LAMTOR1: variants seen among roughly 807,000 people sequenced by gnomAD.
The protein encoded by LAMTOR1 is ragulator complex protein LAMTOR1.
A neutral mutation model predicts 20.5 loss-of-function variants in LAMTOR1; 8 were observed. That is an observed-to-expected ratio of 0.39 (90% CI 0.23 to 0.70). LAMTOR1 has a LOEUF of 0.70. Ranked by LOEUF, LAMTOR1 falls within the 30% of genes least tolerant of loss-of-function variation. LAMTOR1 has a pLI of 0.43. For synonymous variants in LAMTOR1, 77 were observed against 80.9 expected, an observed-to-expected ratio of 0.95 and a Z score of 0.26; for missense variants, 135 against 206.2, an observed-to-expected ratio of 0.65 and a Z score of 2.11.
chr11:72,101,008 T>C lies in LAMTOR1; in HGVS notation c.43-1752A>G, dbSNP rs189044845. 2.6e-5 allele frequency among the ~76,000 whole-genome samples: 4 copies of C among 152,360 alleles called. No individual in the cohort carries two copies. The East Asian group carries it at 7.7e-4, about 29-fold the overall frequency. ...CTATGTATTTCTAAGGAAAGCTGGC[T>C]CCATAATGAGGCCCAAGTTAGCTTC... On this transcript the variant is annotated intron_variant, in intron 1 of 4. Transcript: ENST00000278671.
At chr11:72,102,940 A>G (rs1344052952) in intron 1 of LAMTOR1, among the ~76,000 whole-genome samples, 1 of 152,240 alleles carries the variant, frequency 6.6e-6, no homozygotes, top group Non-Finnish European at 1.5e-5. Context: ...AGCAAACGGA[A>G]GTGGTGGGAG....
chr11:72,102,032 A>G (rs1339640818), intron 1 of LAMTOR1, among the ~76,000 whole-genome samples: 1 of 152,204 alleles, frequency 6.6e-6, no homozygotes, highest in Non-Finnish European at 1.5e-5. Context: ...GGCAAAGGAA[A>G]TATGTGTTCA....
Position 72,098,421 on chromosome 11 carries a change from CAA to C in LAMTOR1, c.267-8_267-7del, listed in dbSNP as rs770019137. 210 of 1,609,546 alleles carry C rather than the reference CAA, an allele frequency of 1.3e-4. No homozygotes were observed. The highest frequency in any genetic ancestry group is 5.0e-4 in the Middle Eastern group (3 of 6,008). ...TCAGCACAGCCAAGCGGGTGCTGAC[CAA>C]GAGAGAGGGGGTGGGGGTAGGCAGT... On this transcript the variant is annotated splice_polypyrimidine_tract_variant and splice_region_variant and intron_variant, in intron 3 of 4. Transcript: ENST00000278671.
intron 1 of LAMTOR1, among the ~76,000 whole-genome samples, chr11:72,099,516 A>C (rs1458834752): frequency 6.6e-6 from 1 of 152,200 alleles, no homozygotes; most frequent in Non-Finnish European, 1.5e-5. Context: ...AGAGGCACAA[A>C]GCAGGTAGTC....
intron 4 of LAMTOR1, 174 bp downstream of exon 4, chr11:72,098,115 T>C (rs1452194671): frequency 3.1e-6 from 3 of 956,446 alleles, no homozygotes; most frequent in Non-Finnish European, 4.7e-6. Context: ...AGGAAGGAGA[T>C]AGGAAAGACA....
At chr11:72,098,627 G>C in intron 3 of LAMTOR1, 154 bp downstream of exon 3, 1 of 785,756 alleles carries the variant, frequency 1.3e-6, no homozygotes, top group Non-Finnish European at 2.0e-6. Flanking sequence ...GGGCTGACAT[G>C]AATAACTACT....
At chr11:72,103,075 T>C (rs1945507413) in intron 1 of LAMTOR1, 108 bp downstream of exon 1, 2 of 1,380,004 alleles carry the variant, frequency 1.4e-6, no homozygotes, top group African/African-American at 2.9e-5. Context: ...GGCCTCCGTA[T>C]TCAGTGAGCC....
intron 4 of LAMTOR1, 108 bp downstream of exon 4, chr11:72,098,181 T>A: frequency 7.0e-7 from 1 of 1,432,188 alleles, no homozygotes; most frequent in Non-Finnish European, 9.6e-7. Flanking sequence ...GCTACCAGGC[T>A]CCCTAACTCC....
rs1028040769 is a variant in LAMTOR1, at chr11:72,097,622, A to G, written c.*200T>C. 21 of 1,392,898 alleles carry G rather than the reference A, an allele frequency of 1.5e-5. No homozygotes were observed. Among genetic ancestry groups the G allele is most frequent in the Admixed American group, 1.2e-4 (4 of 33,808 alleles). The allele number at this position is 1,392,898 out of a possible 1,614,324, so 86.3% of individuals were successfully genotyped here. On this transcript the variant is annotated 3_prime_UTR_variant, in exon 5 of 5. Coordinates refer to ENST00000278671, the MANE Select transcript of LAMTOR1 (RefSeq NM_017907.3). The stretch of plus-strand genomic sequence containing the variant: ...TGGCCCCCACCCCATCCCTGGCCAG[A>G]GCTTCAAAGGCCAGTCCCAAAAGGT...
chr11:72,103,234 CG>C lies in LAMTOR1; in HGVS notation c.-11del. The C allele has an allele frequency of 1.3e-6, 2 of 1,557,120 alleles. No individual in the cohort carries two copies. Among genetic ancestry groups the C allele is most frequent in the Non-Finnish European group, 1.7e-6 (2 of 1,150,252 alleles). ...TGTAGCAGCACCCCATGGCCGGGGT[CG>C]GGCCGGGCGCTCAGGCCGCGCCGAG... On this transcript the variant is annotated 5_prime_UTR_variant, in exon 1 of 5. Coordinates refer to ENST00000278671, the MANE Select transcript of LAMTOR1 (RefSeq NM_017907.3).
Position 72,097,712 on chromosome 11 carries a change from G to T in LAMTOR1, c.*110C>A. ...CCTCCTTCTTCACATTTTTCTCTGT[G>T]ATTAGTAGCAGGTTAGGGTACTGTA... is the stretch of plus-strand genomic sequence containing the variant. On this transcript the variant is annotated 3_prime_UTR_variant, in exon 5 of 5. Coordinates refer to ENST00000278671, the MANE Select transcript of LAMTOR1 (RefSeq NM_017907.3). 6.4e-7 allele frequency: 1 copy of T among 1,570,552 alleles called. No homozygotes were observed. Among genetic ancestry groups the T allele is most frequent in the South Asian group, 1.1e-5 (1 of 87,886 alleles).
At chr11:72,098,539 G>A in intron 3 of LAMTOR1, 124 bp from the exon 4 acceptor site, 1 of 1,223,906 alleles carries the variant, frequency 8.2e-7, no homozygotes, top group Non-Finnish European at 1.1e-6. Context: ...TGGGAGGGAA[G>A]GTCTCAGCTC....
chr11:72,102,663 T>C (rs1460328076), intron 1 of LAMTOR1, among the ~76,000 whole-genome samples: 1 of 152,196 alleles, frequency 6.6e-6, no homozygotes, highest in Non-Finnish European at 1.5e-5. Flanking sequence ...AAATCCTTCA[T>C]TGGCCAATTC....
At chr11:72,098,715 G>A in intron 3 of LAMTOR1, 66 bp downstream of exon 3, 1 of 1,214,446 alleles carries the variant, frequency 8.2e-7, no homozygotes, top group Non-Finnish European at 1.1e-6. Context: ...AGGCTCCAAA[G>A]CTGGAACAGT....
At chr11:72,099,834 G>A (rs1945374186) in intron 1 of LAMTOR1, among the ~76,000 whole-genome samples, 1 of 152,178 alleles carries the variant, frequency 6.6e-6, no homozygotes. Context: ...CCCAGCTCTG[G>A]GTCACACAGT....
rs1396553544 is a variant in LAMTOR1 at position 72,103,198 on chromosome 11, G to A, written c.27C>T (p.Asn9=). The A allele has an allele frequency of 6.3e-7, 1 of 1,583,648 alleles. No individual in the cohort carries two copies. The highest frequency in any genetic ancestry group is 1.2e-5 in the South Asian group (1 of 86,614). ...GCGGCCGCACCTGGTCCGAGTCCTC[G>A]TTCTCGCTGCTGTAGCAGCACCCCA... The part of the protein sequence containing the change: MGCCYSSE[N]EDSDQDREER... The change falls in exon 1 of 5, where the codon AAC becomes AAT. Residue 9 remains asparagine (N), a synonymous_variant. Transcript: ENST00000278671.
In LAMTOR1 at chr11:72,097,701, T is replaced by G; in HGVS notation, c.*121A>C. 1.9e-6 allele frequency: 3 copies of G among 1,554,762 alleles called. No homozygotes were observed. The highest frequency in any genetic ancestry group is 8.7e-7 in the Non-Finnish European group (1 of 1,147,244). On this transcript the variant is annotated 3_prime_UTR_variant, in exon 5 of 5. Transcript: ENST00000278671. ...CTTCCTCTTCTCCTCCTTCTTCACA[T>G]TTTTCTCTGTGATTAGTAGCAGGTT... is the stretch of plus-strand genomic sequence containing the variant.
chr11:72,101,883 G>A (rs951594752), intron 1 of LAMTOR1, among the ~76,000 whole-genome samples: 1 of 152,162 alleles, frequency 6.6e-6, no homozygotes, highest in Non-Finnish European at 1.5e-5. Context: ...CTCATTCCCT[G>A]CAAGAGTCCA....
rs991627360 is a variant in LAMTOR1 at position 72,098,381 on chromosome 11, G to A, written c.301C>T (p.His101Tyr). 3 of 1,612,324 alleles carry A rather than the reference G, an allele frequency of 1.9e-6. No homozygotes were observed. The African/African-American group carries it at 4.0e-5, about 22-fold the overall frequency. The change falls in exon 4 of 5, where the codon CAT (histidine) becomes TAT (tyrosine). Residue 101 changes from histidine (H) to tyrosine (Y), a missense_variant. Transcript: ENST00000278671. ...GGCAGCGGTGGCAGCTTCTTCCAAT[G>A]GGTCAGGCTGCTGCTCAGCACAGCC... ...RLAVLSSSLT[H>Y]WKKLPPLPSL...
Sources: gnomAD v4.1 joint callset for allele counts (sites outside exome capture counted in the v4.1 genomes callset) on GRCh38, gnomAD v4.1.1 for gene constraint, MANE v1.5 for transcripts, NCBI Gene and HGNC (gene_info 2026-07-23, HGNC 2026-07-21) for gene names.